The following CCR3 variants were observed in gnomAD, a reference collection of about 807,000 sequenced individuals.
CCR3 encodes C-C motif chemokine receptor 3.
For missense variants in CCR3, 419 were observed against 437.5 expected, an observed-to-expected ratio of 0.96 and a Z score of 0.38; for synonymous variants, 203 against 179.2, an observed-to-expected ratio of 1.13 and a Z score of -1.06.
At chr3:46,211,397 ATTTT>A (rs35633524) in intron 2 of CCR3, among the ~76,000 whole-genome samples, 2 of 125,362 alleles carry the variant, frequency 1.6e-5, no homozygotes, top group African/African-American at 5.8e-5. Flanking sequence ...ATATATATAT[ATTTT>A]TTGTAGAAAT....
intron 1 of CCR3, among the ~76,000 whole-genome samples, chr3:46,246,849 C>A (rs556724685): frequency 6.6e-6 from 1 of 151,826 alleles, no homozygotes; most frequent in African/African-American, 2.4e-5. Flanking sequence ...CTGCTTCAAG[C>A]GGGATTAGGG....
intron 1 of CCR3, among the ~76,000 whole-genome samples, chr3:46,259,428 T>C (rs1418830100): frequency 2.0e-5 from 3 of 152,264 alleles, no homozygotes; most frequent in Admixed American, 2.0e-4. Flanking sequence ...ATAAAATATA[T>C]ACAACATATG....
chr3:46,215,316 A>G (rs1481972204), intron 2 of CCR3, among the ~76,000 whole-genome samples: 1 of 152,212 alleles, frequency 6.6e-6, no homozygotes, highest in African/African-American at 2.4e-5. Context: ...GTGTTATGCA[A>G]GGTGAGGTAT....
chr3:46,235,701 A>C (rs1272672680), intron 2 of CCR3, among the ~76,000 whole-genome samples: 1 of 152,214 alleles, frequency 6.6e-6, no homozygotes. Flanking sequence ...AAAACACTGC[A>C]TTCAAGCAAA....
intron 1 of CCR3, among the ~76,000 whole-genome samples, chr3:46,247,508 T>C (rs1312298651): frequency 2.0e-5 from 3 of 152,178 alleles, no homozygotes; most frequent in Non-Finnish European, 4.4e-5. Context: ...TTAAAAGACC[T>C]TTAGTCCGTT....
intron 1 of CCR3, among the ~76,000 whole-genome samples, chr3:46,243,466 A>G (rs1321691296): frequency 7.2e-5 from 11 of 152,136 alleles, no homozygotes; most frequent in Admixed American, 7.2e-4. Context: ...AAGCTACTAG[A>G]TGAGTCAGTT....
At chr3:46,240,862 A>G (rs753894463), upstream of CCR3, among the ~76,000 whole-genome samples, 1 of 152,230 alleles carries the variant, frequency 6.6e-6, no homozygotes, top group Non-Finnish European at 1.5e-5. Context: ...CGGTAAAGGT[A>G]GGTTTTGCAT....
At chr3:46,232,239 G>A (rs996116570) in intron 2 of CCR3, among the ~76,000 whole-genome samples, 2 of 152,162 alleles carry the variant, frequency 1.3e-5, no homozygotes, top group Non-Finnish European at 2.9e-5. Flanking sequence ...ATGCCCTGAA[G>A]GAATATGTTG....
chr3:46,225,907 T>C (rs1306160946), intron 2 of CCR3, among the ~76,000 whole-genome samples: 2 of 152,210 alleles, frequency 1.3e-5, no homozygotes, highest in Admixed American at 6.5e-5. Flanking sequence ...TATCTACGAA[T>C]GTACAATTCC....
At chr3:46,261,192 A>G (rs957245719) in intron 1 of CCR3, among the ~76,000 whole-genome samples, 1 of 152,196 alleles carries the variant, frequency 6.6e-6, no homozygotes, top group African/African-American at 2.4e-5. Flanking sequence ...ACCCAAACTT[A>G]TGTTTTTATA....
At chr3:46,219,649 C>G (rs917892058) in intron 2 of CCR3, among the ~76,000 whole-genome samples, 3 of 152,030 alleles carry the variant, frequency 2.0e-5, no homozygotes, top group Admixed American at 6.5e-5. Context: ...GGCAGATAGA[C>G]CAATGGAACA....
intron 1 of CCR3, among the ~76,000 whole-genome samples, chr3:46,263,089 C>T (rs1384710622): frequency 2.6e-5 from 4 of 152,170 alleles, no homozygotes; most frequent in African/African-American, 7.2e-5. Context: ...GAAACCCAAA[C>T]CAAAAGGTTC....
intron 2 of CCR3, among the ~76,000 whole-genome samples, chr3:46,236,542 C>T (rs976788570): frequency 6.6e-6 from 1 of 152,244 alleles, no homozygotes; most frequent in Non-Finnish European, 1.5e-5. Context: ...GGAAATGTCA[C>T]CTCTATAATA....
intron 1 of CCR3, among the ~76,000 whole-genome samples, chr3:46,250,328 TG>T (rs1397423182): frequency 6.6e-6 from 1 of 151,860 alleles, no homozygotes; most frequent in African/African-American, 2.4e-5. Flanking sequence ...GGACCTAGCT[TG>T]GCCTGGCAAG....
chr3:46,264,568 C>T, intron 1 of CCR3: 1 of 664,446 alleles, frequency 1.5e-6, no homozygotes, highest in Non-Finnish European at 2.5e-6. Flanking sequence ...TTTATATTTA[C>T]TTGTTAGAGG....
chr3:46,265,866 G>A lies in CCR3; in HGVS notation c.708G>A (p.Lys236=), dbSNP rs771881803. 3.7e-6 allele frequency: 6 copies of A among 1,613,918 alleles called. No homozygotes were observed. The East Asian group carries it at 1.1e-4, about 30-fold the overall frequency. Residue 236 remains lysine (K), a synonymous_variant, in exon 2 of 2, where the codon AAG becomes AAA. Transcript: ENST00000395940. ...GGTGCCCCAGTAAAAAAAAGTACAA[G>A]GCCATCCGGCTCATTTTTGTCATCA... ...LLRCPSKKKY[K]AIRLIFVIMA...
intron 2 of CCR3, among the ~76,000 whole-genome samples, chr3:46,234,881 C>T (rs1700007616): frequency 6.6e-6 from 1 of 152,258 alleles, no homozygotes; most frequent in South Asian, 2.1e-4. Flanking sequence ...TCTAAGGCTA[C>T]AGTGAGTGGT....
intron 2 of CCR3, among the ~76,000 whole-genome samples, chr3:46,230,622 GT>G (rs1346685908): frequency 6.6e-6 from 1 of 152,102 alleles, no homozygotes. Flanking sequence ...ATCTCCCAGG[GT>G]CACTGAAGAG....
Position 46,265,787 on chromosome 3 carries a change from T to G in CCR3, c.629T>G (p.Leu210Arg). 6.2e-7 allele frequency: 1 copy of G among 1,613,952 alleles called. No homozygotes were observed. Among genetic ancestry groups the G allele is most frequent in the Non-Finnish European group, 8.5e-7 (1 of 1,180,000 alleles). The change falls in exon 2 of 2, where the codon CTC (leucine) becomes CGC (arginine). Residue 210 changes from leucine (L) to arginine (R), a missense_variant. Transcript: ENST00000395940. ...AGAATGACCATCTTCTGTCTCGTTC[T>G]CCCTCTGCTCGTTATGGCCATCTGC... is the stretch of plus-strand genomic sequence containing the variant. ...TLRMTIFCLV[L>R]PLLVMAICYT...
Sources: gnomAD v4.1 joint callset for allele counts (sites outside exome capture counted in the v4.1 genomes callset) on GRCh38, gnomAD v4.1.1 for gene constraint, MANE v1.5 for transcripts, NCBI Gene and HGNC (gene_info 2026-07-23, HGNC 2026-07-21) for gene names.